SHQ1: variants seen among roughly 807,000 people sequenced by gnomAD.
SHQ1 encodes SHQ1, H/ACA ribonucleoprotein assembly factor.
Under a neutral mutation model 53.8 loss-of-function variants are expected in SHQ1, and 49 were observed. The observed-to-expected ratio is 0.91, with a 90% CI of 0.72 to 1.16. The LOEUF is 1.16. SHQ1 is among the 50% of genes most tolerant of loss of function. SHQ1 has a pLI of 0.00. For synonymous variants in SHQ1, 243 were observed against 251.0 expected (o/e 0.97, Z 0.30); for missense variants, 738 against 683.1 (o/e 1.08, Z -0.90).
the SHQ1 span, among the ~76,000 whole-genome samples, chr3:72,727,224 G>A: frequency 4.6e-5 from 7 of 152,232 alleles, no homozygotes; most frequent in South Asian, 1.4e-3. Context: ...TGCCAAGGGG[G>A]GTTTGAGGCT....
intron 9 of SHQ1, among the ~76,000 whole-genome samples, chr3:72,808,459 C>G (rs930563820): frequency 2.6e-5 from 4 of 152,084 alleles, no homozygotes; most frequent in African/African-American, 9.7e-5. Flanking sequence ...CTAGGCTCTC[C>G]CACCTACTAG....
Position 72,750,858 on chromosome 3 carries a change from A to T in SHQ1, c.1182-22T>A, listed in dbSNP as rs1372523658. The T allele has an allele frequency of 4.0e-6, 6 of 1,486,456 alleles. No individual in the cohort carries two copies. In the African/African-American group the frequency reaches 8.5e-5, roughly 21 times the overall value. 92.1% of individuals were successfully genotyped at this position (1,486,456 alleles called of 1,614,324 possible). A position where few individuals can be genotyped will look rare whatever the true frequency, so the allele number is the denominator to read the frequency against. On this transcript the variant is annotated intron_variant, in intron 10 of 10. Transcript: ENST00000325599. ...GGATCTTGAAAACATTTTAAAAAGA[A>T]AGATTAGAATTATTTATTAATTGGC...
In SHQ1 at chr3:72,772,426, A is replaced by T. The variant is rs966594437; in HGVS notation, c.1181+20490T>A. On this transcript the variant is annotated intron_variant, in intron 10 of 10. Coordinates refer to ENST00000325599, the MANE Select transcript of SHQ1 (RefSeq NM_018130.3). ...GGCAAACCATCAAGAACTTCTGAGG[A>T]GACCAGTTCAAAGATGAGATTGTCA... 6 of 386,896 alleles carry T rather than the reference A, an allele frequency of 1.6e-5. No homozygotes were observed. The East Asian group carries it at 2.6e-4, about 17-fold the overall frequency. 24.0% of individuals were successfully genotyped at this position (386,896 alleles called of 1,614,324 possible).
At chr3:72,798,426 AATGTTTTACT>A (rs780134950) in intron 9 of SHQ1, among the ~76,000 whole-genome samples, 13 of 152,256 alleles carry the variant, frequency 8.5e-5, no homozygotes, top group Admixed American at 5.2e-4. Flanking sequence ...AAGTGCCATG[AATGTTTTACT>A]TCGGGGAAAG....
intron 6 of SHQ1, among the ~76,000 whole-genome samples, chr3:72,818,897 T>C (rs1707394027): frequency 6.6e-6 from 1 of 152,148 alleles, no homozygotes; most frequent in Admixed American, 6.5e-5. Flanking sequence ...GGGGCCTCAG[T>C]TCTATATCTG....
At chr3:72,781,634 G>T (rs970430840) in intron 10 of SHQ1, among the ~76,000 whole-genome samples, 1 of 151,976 alleles carries the variant, frequency 6.6e-6, no homozygotes, top group Admixed American at 6.6e-5. Flanking sequence ...TAGAGTCCCC[G>T]AACCCCAACA....
intron 10 of SHQ1, among the ~76,000 whole-genome samples, chr3:72,751,896 C>T (rs1472434761): frequency 1.3e-5 from 2 of 151,952 alleles, no homozygotes; most frequent in Non-Finnish European, 2.9e-5. Flanking sequence ...CTGGACCCAG[C>T]AAGCCCCATG....
chr3:72,828,313 T>C (rs1386775670), intron 5 of SHQ1, among the ~76,000 whole-genome samples: 1 of 152,010 alleles, frequency 6.6e-6, no homozygotes, highest in Non-Finnish European at 1.5e-5. Context: ...ATGAGCCTAG[T>C]CTGAGGAGAT....
At chr3:72,788,467 T>C (rs963739578) in intron 10 of SHQ1, among the ~76,000 whole-genome samples, 18 of 149,072 alleles carry the variant, frequency 1.2e-4, no homozygotes, top group Non-Finnish European at 2.5e-4. Context: ...GTGAGGAGCG[T>C]CTCCGCCCGG....
intron 2 of SHQ1, among the ~76,000 whole-genome samples, 183 bp downstream of exon 2, chr3:72,844,176 A>T (rs9882522): frequency 0.019 from 2,862 of 152,284 alleles, 93 homozygotes; most frequent in African/African-American, 0.067. Context: ...AATACTTTAA[A>T]AGACTTGTGA....
At chr3:72,840,560 C>CA (rs572046519) in intron 4 of SHQ1, among the ~76,000 whole-genome samples, 281 of 97,272 alleles carry the variant, frequency 2.9e-3, no homozygotes, top group Middle Eastern at 0.014. Flanking sequence ...GACTCCGTCT[C>CA]AAAAAAAAAA....
At chr3:72,740,516 C>T in the SHQ1 span, among the ~76,000 whole-genome samples, 16 of 152,186 alleles carry the variant, frequency 1.1e-4, no homozygotes, top group African/African-American at 3.9e-4. Context: ...AGTTCATAAA[C>T]TAATAAATCC....
chr3:72,751,529 T>TATATACACACAC (rs1491584090), intron 10 of SHQ1, among the ~76,000 whole-genome samples: 8 of 138,028 alleles, frequency 5.8e-5, no homozygotes, highest in African/African-American at 2.4e-4. Context: ...TATATATATA[T>TATATACACACAC]ACATATACAT....
chr3:72,732,156 T>C, the SHQ1 span, among the ~76,000 whole-genome samples: 1 of 151,290 alleles, frequency 6.6e-6, no homozygotes, highest in East Asian at 1.9e-4. Flanking sequence ...CTGCATCATC[T>C]CTCCAATTAA....
chr3:72,838,704 T>A (rs1005491899), intron 4 of SHQ1, among the ~76,000 whole-genome samples: 1 of 152,170 alleles, frequency 6.6e-6, no homozygotes, highest in South Asian at 2.1e-4. Flanking sequence ...TTTTGCCATG[T>A]TGGCTAGACT....
rs77644011 is a variant in SHQ1, at chr3:72,813,887, T to C, written c.937-1093A>G. Among the ~76,000 whole-genome samples, 783 of 147,050 alleles carry C rather than the reference T, an allele frequency of 5.3e-3. 8 individuals are homozygous for C. Among genetic ancestry groups the C allele is most frequent in the African/African-American group, 0.019 (756 of 39,994 alleles). Reference sequence around the variant, plus strand: ...TAATACAAGACATTTACTTGAGTAATTTGCTTTTGCTTATCAAACTGATTT... The same window carrying C: ...TAATACAAGACATTTACTTGAGTAACTTGCTTTTGCTTATCAAACTGATTT... On this transcript the variant is annotated intron_variant, in intron 8 of 10. Coordinates refer to ENST00000325599, the MANE Select transcript of SHQ1 (RefSeq NM_018130.3).
At chr3:72,826,054 G>C (rs1707644286) in intron 5 of SHQ1, among the ~76,000 whole-genome samples, 1 of 152,110 alleles carries the variant, frequency 6.6e-6, no homozygotes, top group South Asian at 2.1e-4. Flanking sequence ...GCCAAGTTCA[G>C]AGAACAAGTA....
intron 10 of SHQ1, among the ~76,000 whole-genome samples, chr3:72,754,617 G>A (rs1705463159): frequency 6.6e-6 from 1 of 152,050 alleles, no homozygotes; most frequent in Non-Finnish European, 1.5e-5. Flanking sequence ...CCGACCTCAG[G>A]TGATCTGCCC....
Position 72,771,194 on chromosome 3 carries a change from C to T in SHQ1, c.1182-20358G>A, listed in dbSNP as rs546447045. 3.9e-5 allele frequency among the ~76,000 whole-genome samples: 6 copies of T among 152,304 alleles called. No individual in the cohort carries two copies. The East Asian group carries it at 7.7e-4, about 20-fold the overall frequency. The stretch of plus-strand genomic sequence containing the variant: ...ACTCTAATTCCTTAAGGCCAGAAGC[C>T]GTATCTAATTCTTCTTTAGTTCCAC... On this transcript the variant is annotated intron_variant, in intron 10 of 10. Transcript: ENST00000325599.
Sources: gnomAD v4.1 joint callset for allele counts (sites outside exome capture counted in the v4.1 genomes callset) on GRCh38, gnomAD v4.1.1 for gene constraint, MANE v1.5 for transcripts, NCBI Gene and HGNC (gene_info 2026-07-23, HGNC 2026-07-21) for gene names.